Variants in MET observed in about 807,000 individuals in gnomAD.
MET encodes the protein hepatocyte growth factor receptor.
Under a neutral mutation model 133.1 loss-of-function variants are expected in MET, and 48 were observed. That is an observed-to-expected ratio of 0.36 (90% CI 0.29 to 0.46). The LOEUF (loss-of-function observed/expected upper bound fraction) is 0.46, where lower values mean the gene tolerates loss of function less well. Ranked by LOEUF, MET falls within the 20% of genes least tolerant of loss-of-function variation. The probability of loss-of-function intolerance (pLI) is 1.00; values close to 1 mark genes in which losing one functional copy is unlikely to be tolerated. For synonymous variants in MET, 628 were observed against 616.5 expected, an observed-to-expected ratio of 1.02 and a Z score of -0.28; for missense variants, 1,442 against 1,695.9, an observed-to-expected ratio of 0.85 and a Z score of 2.63.
intron 1 of MET, among the ~76,000 whole-genome samples, chr7:116,678,156 G>T (rs1435510422): frequency 6.6e-6 from 1 of 152,110 alleles, no homozygotes; most frequent in African/African-American, 2.4e-5. Context: ...AAGCTCACAG[G>T]TTGTGCACTA....
chr7:116,709,021 C>G (rs1791897956), intron 2 of MET, among the ~76,000 whole-genome samples: 1 of 152,162 alleles, frequency 6.6e-6, no homozygotes, highest in Non-Finnish European at 1.5e-5. Flanking sequence ...CAATTGCATC[C>G]ATTTTTAGAC....
At chr7:116,740,153 A>G in intron 4 of MET, 69 bp downstream of exon 4, 1 of 1,572,916 alleles carries the variant, frequency 6.4e-7, no homozygotes, top group Middle Eastern at 1.7e-4. Context: ...AACCAGTGTC[A>G]CTTGGCCCTT....
chr7:116,769,326 C>T (rs993930730), intron 11 of MET, among the ~76,000 whole-genome samples: 1 of 152,132 alleles, frequency 6.6e-6, no homozygotes, highest in Non-Finnish European at 1.5e-5. Context: ...ATTGATACCC[C>T]CTGAGGACAA....
In MET at chr7:116,699,219, C is replaced by T. The variant is rs1562883006; in HGVS notation, c.135C>T (p.Asn45=). ...TGAATATGAAGTATCAGCTTCCCAA[C>T]TTCACCGCGGAAACACCCATCCAGA... ...MNVNMKYQLP[N]FTAETPIQNV... The change falls in exon 2 of 21, where the codon AAC becomes AAT. Residue 45 remains asparagine (N), a synonymous_variant. Transcript: ENST00000397752. The T allele has an allele frequency of 6.2e-7, 1 of 1,614,016 alleles. No individual in the cohort carries two copies. The highest frequency in any genetic ancestry group is 1.1e-5 in the South Asian group (1 of 91,088).
In MET at chr7:116,714,745, G is replaced by A. The variant is rs945752443; in HGVS notation, c.1200+14461G>A. ...TATACAGTTAAACACTCACATGCACGCACACACACACACACACACACACAC... is the reference window on the plus strand; with the variant it reads ...TATACAGTTAAACACTCACATGCACACACACACACACACACACACACACAC... On this transcript the variant is annotated intron_variant, in intron 2 of 20. Coordinates refer to ENST00000397752, the MANE Select transcript of MET (RefSeq NM_000245.4). 2.6e-4 allele frequency among the ~76,000 whole-genome samples: 38 copies of A among 145,018 alleles called. 1 individual carries two copies. Among genetic ancestry groups the A allele is most frequent in the South Asian group, 1.6e-3 (7 of 4,460 alleles).
chr7:116,729,898 C>T (rs1248342501), intron 2 of MET, among the ~76,000 whole-genome samples: 1 of 152,230 alleles, frequency 6.6e-6, no homozygotes, highest in Non-Finnish European at 1.5e-5. Context: ...ATTTACTAAA[C>T]ATCTACTATG....
At chr7:116,702,068 T>G (rs1188238914) in intron 2 of MET, among the ~76,000 whole-genome samples, 1 of 152,146 alleles carries the variant, frequency 6.6e-6, no homozygotes, top group African/African-American at 2.4e-5. Flanking sequence ...ACATCTGAAT[T>G]TTATCCTACC....
intron 10 of MET, among the ~76,000 whole-genome samples, chr7:116,761,682 A>T (rs1205180082): frequency 6.6e-6 from 1 of 152,126 alleles, no homozygotes; most frequent in East Asian, 1.9e-4. Context: ...GTAAACAATT[A>T]TTGTGATGAC....
At chr7:116,786,294 T>G (rs1343320758) in intron 19 of MET, among the ~76,000 whole-genome samples, 1 of 152,188 alleles carries the variant, frequency 6.6e-6, no homozygotes, top group Non-Finnish European at 1.5e-5. Context: ...GCCCCATCAT[T>G]AAACATTGTC....
chr7:116,746,847 GC>G (rs1793710034), intron 5 of MET, among the ~76,000 whole-genome samples: 1 of 152,058 alleles, frequency 6.6e-6, no homozygotes, highest in Non-Finnish European at 1.5e-5. Flanking sequence ...GTTAATGGGT[GC>G]AGCACACCAA....
chr7:116,769,193 A>G (rs1283089076), intron 11 of MET, among the ~76,000 whole-genome samples: 1 of 152,240 alleles, frequency 6.6e-6, no homozygotes, highest in East Asian at 1.9e-4. Flanking sequence ...AGACCCGGAC[A>G]TCAGTATTTT....
intron 19 of MET, among the ~76,000 whole-genome samples, chr7:116,790,525 A>G (rs975795855): frequency 5.3e-5 from 8 of 152,208 alleles, no homozygotes; most frequent in African/African-American, 1.7e-4. Flanking sequence ...ATGGACATTT[A>G]GGTTTCTTAT....
intron 5 of MET, among the ~76,000 whole-genome samples, chr7:116,741,432 A>G (rs1015990447): frequency 6.6e-6 from 1 of 152,132 alleles, no homozygotes; most frequent in Non-Finnish European, 1.5e-5. Context: ...CTTCCTATAT[A>G]GGCCAAGTGC....
chr7:116,768,476 C>T (rs933852473), intron 11 of MET, among the ~76,000 whole-genome samples: 2 of 152,144 alleles, frequency 1.3e-5, no homozygotes, highest in African/African-American at 4.8e-5. Flanking sequence ...CAATGGACTA[C>T]ACATACTGCT....
intron 1 of MET, among the ~76,000 whole-genome samples, chr7:116,682,216 A>G (rs939517824): frequency 3.3e-5 from 5 of 152,228 alleles, no homozygotes; most frequent in African/African-American, 7.2e-5. Context: ...ATGAAAGGTG[A>G]CAGCCCTTGA....
chr7:116,771,284 G>A (rs1794819668), intron 12 of MET, among the ~76,000 whole-genome samples: 1 of 152,104 alleles, frequency 6.6e-6, no homozygotes, highest in African/African-American at 2.4e-5. Context: ...AATACAAACA[G>A]CTAAGTACCA....
At position 116,757,783 on chromosome 7, in the gene MET, A is replaced by T. The variant is rs201495740; in HGVS notation, c.2102+9A>T. Reference sequence around the variant, plus strand: ...ACATGTACTTTAAAAAGGTGTTGTAAATTTATTTTTTGTTGCATCTGTCAA... The same window carrying T: ...ACATGTACTTTAAAAAGGTGTTGTATATTTATTTTTTGTTGCATCTGTCAA... On this transcript the variant is annotated intron_variant, in intron 8 of 20. Coordinates refer to ENST00000397752, the MANE Select transcript of MET (RefSeq NM_000245.4). 2 of 1,613,294 alleles carry T rather than the reference A, an allele frequency of 1.2e-6. No homozygotes were observed. The highest frequency in any genetic ancestry group is 2.7e-5 in the African/African-American group (2 of 74,878).
In MET at chr7:116,759,473, G is replaced by C. The variant is rs879254334; in HGVS notation, c.2347G>C (p.Gly783Arg). ...AATGGTCATAAATGTGCATGAAGCAGGAAGGAACTTTACAGTGGTAAGTCC... is the reference window on the plus strand; with the variant it reads ...AATGGTCATAAATGTGCATGAAGCACGAAGGAACTTTACAGTGGTAAGTCC... The part of the protein sequence containing the change: ...PRMVINVHEA[G>R]RNFTVACQHR... The change falls in exon 10 of 21, where the codon GGA becomes CGA. Residue 783 changes from glycine (G) to arginine (R), a missense_variant. By Grantham distance (125) the Gly-to-Arg change is moderately radical (BLOSUM62 -2). This residue lies in a region of MET where 514 missense variants were observed against 659.6 expected (regional missense o/e 0.78). Transcript: ENST00000397752. 4.3e-6 allele frequency: 7 copies of C among 1,613,556 alleles called. No individual in the cohort carries two copies. Among genetic ancestry groups the C allele is most frequent in the Non-Finnish European group, 5.9e-6 (7 of 1,179,754 alleles).
In MET at chr7:116,761,360, A is replaced by G. The variant is rs944595130; in HGVS notation, c.2365-1690A>G. ...CAGTGGATCTATTTTACTATTTACT[A>G]TTTATTTTACTGTCGTTTGTGAAAA... is the stretch of plus-strand genomic sequence containing the variant. On this transcript the variant is annotated intron_variant, in intron 10 of 20. Transcript: ENST00000397752. 3.3e-5 allele frequency among the ~76,000 whole-genome samples: 5 copies of G among 152,190 alleles called. No individual in the cohort carries two copies. In the East Asian group the frequency reaches 9.6e-4, roughly 29 times the overall value.
Sources: allele counts gnomAD v4.1 joint callset (sites outside exome capture counted in the v4.1 genomes callset), GRCh38; gene constraint gnomAD v4.1.1; regional missense constraint gnomAD v4.1.1; transcripts MANE v1.5; gene names NCBI Gene and HGNC (gene_info 2026-07-23, HGNC 2026-07-21).